The following EFR3B variants were observed in gnomAD, a reference collection of about 807,000 sequenced individuals.
The protein encoded by EFR3B is EFR3 homolog B.
A neutral mutation model predicts 104.7 loss-of-function variants in EFR3B; 64 were observed. The observed-to-expected ratio is 0.61, with a 90% CI of 0.50 to 0.75. EFR3B has a LOEUF of 0.75. Among genes scored for constraint, EFR3B ranks in the 30% least tolerant of loss-of-function variants. The pLI, the probability that EFR3B is intolerant of heterozygous loss-of-function variation, is 0.00. For missense variants in EFR3B, 750 were observed against 1,078.5 expected, an observed-to-expected ratio of 0.70 and a Z score of 4.27; for synonymous variants, 385 against 417.9, an observed-to-expected ratio of 0.92 and a Z score of 0.96.
At chr2:25,108,137 A>T (rs758467049) in intron 4 of EFR3B, among the ~76,000 whole-genome samples, 68 of 152,212 alleles carry the variant, frequency 4.5e-4, no homozygotes, top group Non-Finnish European at 2.4e-4. Context: ...CCCAGTGAAA[A>T]TTTAAGTGAT....
intron 16 of EFR3B, 103 bp downstream of exon 16, chr2:25,139,293 T>C (rs1670598877): frequency 7.4e-7 from 1 of 1,359,942 alleles, no homozygotes. Context: ...ACTTAGGCAG[T>C]GAAGACAGGG....
In EFR3B at chr2:25,121,670, T is replaced by C. The variant is rs564475350; in HGVS notation, c.364-3T>C. On this transcript the variant is annotated splice_region_variant and splice_polypyrimidine_tract_variant and intron_variant, in intron 4 of 22. Transcript: ENST00000403714. ...GTGTGTTTCTCTCCTTCCTCCCTGA[T>C]AGTTTGTGAAGTTTGCCAACATCGA... 37 of 1,551,654 alleles carry C rather than the reference T, an allele frequency of 2.4e-5. No homozygotes were observed. The South Asian group carries it at 4.4e-4, about 18-fold the overall frequency.
chr2:25,146,625 G>T (rs1277716242), intron 19 of EFR3B: 1 of 152,228 alleles, frequency 6.6e-6, no homozygotes, highest in East Asian at 1.9e-4. Flanking sequence ...AAGGCGAAAT[G>T]CTTACACAGC....
In EFR3B at chr2:25,141,886, T is replaced by C. The variant is rs140438392; in HGVS notation, c.1922+453T>C. Among the ~76,000 whole-genome samples the C allele has an allele frequency of 7.2e-5, 11 of 152,318 alleles. No homozygotes were observed. The East Asian group carries it at 2.1e-3, about 29-fold the overall frequency. On this transcript the variant is annotated intron_variant, in intron 17 of 22. Coordinates refer to ENST00000403714, the MANE Select transcript of EFR3B (RefSeq NM_014971.2). The stretch of plus-strand genomic sequence containing the variant: ...TATAAATTATGGCCCATCCATACAG[T>C]AGACAATCATGACAATGTTTTAGAA...
At chr2:25,091,444 G>T in intron 2 of EFR3B, 43 bp downstream of exon 2, 1 of 1,517,688 alleles carries the variant, frequency 6.6e-7, no homozygotes, top group Non-Finnish European at 8.9e-7. Flanking sequence ...TCATGGTCCA[G>T]GCAGGGCCTC....
chr2:25,108,229 G>A (rs948553696), intron 4 of EFR3B, among the ~76,000 whole-genome samples: 6 of 152,166 alleles, frequency 3.9e-5, no homozygotes, highest in Non-Finnish European at 7.3e-5. Flanking sequence ...GGGGGAGTCA[G>A]GGCCAGCTAA....
At chr2:25,142,964 A>G (rs978254494) in intron 17 of EFR3B, among the ~76,000 whole-genome samples, 1 of 149,514 alleles carries the variant, frequency 6.7e-6, no homozygotes, top group Admixed American at 6.7e-5. Flanking sequence ...AAAAAAAAAA[A>G]AGGCTGGGCA....
At position 25,154,262 on chromosome 2, in the gene EFR3B, C is replaced by T. The variant is rs763718035; in HGVS notation, c.2376C>T (p.Ile792=). 2 of 1,551,932 alleles carry T rather than the reference C, an allele frequency of 1.3e-6. No individual in the cohort carries two copies. The highest frequency in any genetic ancestry group is 1.2e-5 in the South Asian group (1 of 84,064). Residue 792 remains isoleucine, a synonymous_variant, in exon 23 of 23, where the codon ATC becomes ATT. Coordinates refer to ENST00000403714, the MANE Select transcript of EFR3B (RefSeq NM_014971.2). The surrounding 1 kb of genome is among the most constrained non-coding windows in gnomAD (Gnocchi z 4.1). ...CCCCACCAAGCCCATCAGGAACCAT[C>T]ACTGCAGCCTACGGTCAGCCGCAGA... ...IRPPPSPSGT[I]TAAYGQPQNH...
At chr2:25,107,371 A>G (rs552413129) in intron 4 of EFR3B, among the ~76,000 whole-genome samples, 7 of 152,264 alleles carry the variant, frequency 4.6e-5, no homozygotes, top group Non-Finnish European at 8.8e-5. Flanking sequence ...GGCATAGCAC[A>G]AATCTCCCCT....
At chr2:25,063,241 A>C (rs1224437798) in intron 1 of EFR3B, among the ~76,000 whole-genome samples, 1 of 152,096 alleles carries the variant, frequency 6.6e-6, no homozygotes, top group Non-Finnish European at 1.5e-5. Flanking sequence ...TGCCTGGCCG[A>C]AGGATTGATT....
chr2:25,081,023 ATCTGCAATGTT>A, intron 1 of EFR3B: 1 of 753,774 alleles, frequency 1.3e-6, no homozygotes, highest in Non-Finnish European at 2.5e-6. Context: ...CAGCAGCAAC[ATCTGCAATGTT>A]GACACCACCA....
chr2:25,125,601 C>T (rs1311314568), intron 5 of EFR3B, among the ~76,000 whole-genome samples: 1 of 152,176 alleles, frequency 6.6e-6, no homozygotes, highest in Non-Finnish European at 1.5e-5. Flanking sequence ...GCTGCCACCT[C>T]CAGCCACAGT....
In EFR3B at chr2:25,154,323, G is replaced by T. The variant is rs1262329645; in HGVS notation, c.2437G>T (p.Asp813Tyr). 1 of 1,552,008 alleles carries T rather than the reference G, an allele frequency of 6.4e-7. No individual in the cohort carries two copies. The highest frequency in any genetic ancestry group is 1.4e-5 in the African/African-American group (1 of 73,044). Residue 813 changes from aspartate (D) to tyrosine (Y), a missense_variant, in exon 23 of 23, where the codon GAT (aspartate) becomes TAT (tyrosine). By Grantham distance (160) the Asp-to-Tyr change is radical. Coordinates refer to ENST00000403714, the MANE Select transcript of EFR3B (RefSeq NM_014971.2). The surrounding 1 kb of genome is among the most constrained non-coding windows in gnomAD (Gnocchi z 4.1). ...SIPVYEMKFP[D>Y]LCVY ...CCCCGTCTATGAAATGAAGTTTCCC[G>T]ATCTGTGTGTATACTGAATTCCAAG...
At chr2:25,065,279 C>G (rs548751519) in intron 1 of EFR3B, among the ~76,000 whole-genome samples, 6 of 151,960 alleles carry the variant, frequency 3.9e-5, no homozygotes, top group African/African-American at 1.4e-4. Context: ...CTCCCTGGCT[C>G]AAGTGATCCT....
At chr2:25,051,237 G>C (rs368921735) in intron 1 of EFR3B, among the ~76,000 whole-genome samples, 1 of 151,930 alleles carries the variant, frequency 6.6e-6, no homozygotes, top group South Asian at 2.1e-4. Flanking sequence ...TCAGCCTCCC[G>C]AGTAGCTAGG....
chr2:25,057,520 G>A lies in EFR3B; in HGVS notation c.7+15201G>A, dbSNP rs182079733. On this transcript the variant is annotated intron_variant, in intron 1 of 22. Transcript: ENST00000403714. The stretch of plus-strand genomic sequence containing the variant: ...TATCAGGCTGAGCACGGTGGCTCAC[G>A]CCTGTAATCCCAACACTTTGGGAGG... Among the ~76,000 whole-genome samples, 22 of 152,236 alleles carry A rather than the reference G, an allele frequency of 1.4e-4. No homozygotes were observed. In the East Asian group the frequency reaches 4.0e-3, roughly 28 times the overall value.
intron 1 of EFR3B, among the ~76,000 whole-genome samples, chr2:25,060,524 A>C (rs1668157376): frequency 6.6e-6 from 1 of 152,156 alleles, no homozygotes; most frequent in Non-Finnish European, 1.5e-5. Flanking sequence ...GTTTTGTGAA[A>C]GTGGCTGGAG....
At chr2:25,099,734 G>A (rs1309348959) in intron 3 of EFR3B, among the ~76,000 whole-genome samples, 2 of 151,958 alleles carry the variant, frequency 1.3e-5, no homozygotes, top group East Asian at 1.9e-4. Context: ...GTCTGAGGCA[G>A]TCTGACTGTG....
chr2:25,145,191 T>C, intron 19 of EFR3B, 140 bp downstream of exon 19: 1 of 737,380 alleles, frequency 1.4e-6, no homozygotes, highest in Non-Finnish European at 2.3e-6. Flanking sequence ...TTGTACTGAC[T>C]CTCCCCACGT....
Sources: gnomAD v4.1 joint callset for allele counts (sites outside exome capture counted in the v4.1 genomes callset) on GRCh38, gnomAD v4.1.1 for gene constraint, Gnocchi (gnomAD v3.1) non-coding constraint, MANE v1.5 for transcripts, NCBI Gene and HGNC (gene_info 2026-07-23, HGNC 2026-07-21) for gene names.